The following C1QTNF3 variants were observed in gnomAD, a reference collection of about 807,000 sequenced individuals.
The protein encoded by C1QTNF3 is complement C1q tumor necrosis factor-related protein 3.
In C1QTNF3, 26 loss-of-function variants were observed where a neutral mutation model predicts 32.6. That is an observed-to-expected ratio of 0.80 (90% CI 0.58 to 1.11). C1QTNF3 has a LOEUF of 1.11. Among genes scored for constraint, C1QTNF3 ranks in the 50% least tolerant of loss-of-function variants. C1QTNF3 has a pLI of 0.00. For synonymous variants in C1QTNF3, 155 were observed against 146.0 expected (o/e 1.06, Z -0.44); for missense variants, 362 against 398.2 (o/e 0.91, Z 0.77).
In C1QTNF3 at chr5:34,020,653, T is replaced by C; in HGVS notation, c.890A>G (p.Asn297Ser). Reference protein sequence around the residue: ...KGDEVWLRMGNGALHGDHQRF... With the variant: ...KGDEVWLRMGSGALHGDHQRF... The stretch of plus-strand genomic sequence containing the variant: ...TTGGTGGTCCCCATGGAGAGCGCCA[T>C]TGCCCATTCGCAGCCAAACCTCATC... Residue 297 changes from asparagine to serine, a missense_variant, in exon 6 of 6, where the codon AAT becomes AGT. Asn to Ser is a conservative substitution (Grantham distance 46). Coordinates refer to ENST00000382065, the MANE Select transcript of C1QTNF3 (RefSeq NM_181435.6). The C allele has an allele frequency of 6.2e-7, 1 of 1,614,212 alleles. No individual in the cohort carries two copies. The highest frequency in any genetic ancestry group is 1.1e-5 in the South Asian group (1 of 91,092).
At chr5:34,067,650 C>T in the C1QTNF3 span, among the ~76,000 whole-genome samples, 30 of 152,306 alleles carry the variant, frequency 2.0e-4, 2 homozygotes, top group South Asian at 6.2e-3. Flanking sequence ...GTCCCTCCCA[C>T]AACATGTGAG....
the C1QTNF3 span, among the ~76,000 whole-genome samples, chr5:34,063,519 G>A: frequency 5.9e-5 from 9 of 152,000 alleles, no homozygotes; most frequent in Non-Finnish European, 1.0e-4. Flanking sequence ...TTGTACTGGT[G>A]GGGGGGCTGG....
At chr5:34,026,845 G>A (rs1754472827) in intron 4 of C1QTNF3, among the ~76,000 whole-genome samples, 1 of 152,188 alleles carries the variant, frequency 6.6e-6, no homozygotes, top group Non-Finnish European at 1.5e-5. Flanking sequence ...TTGTCATGTA[G>A]TAGATGAAAA....
chr5:34,018,216 T>C lies in C1QTNF3; in HGVS notation c.*2367A>G, dbSNP rs553057630. 2.0e-5 allele frequency among the ~76,000 whole-genome samples: 3 copies of C among 152,054 alleles called. No individual in the cohort carries two copies. In the East Asian group the frequency reaches 5.8e-4, roughly 29 times the overall value. ...TTTATACTAAATATTTTGGGGAATT[T>C]TATAAATTTTCTATAGTGAGTTTTT... On this transcript the variant is annotated 3_prime_UTR_variant, in exon 6 of 6. Coordinates refer to ENST00000382065, the MANE Select transcript of C1QTNF3 (RefSeq NM_181435.6).
chr5:34,049,308 A>G, the C1QTNF3 span, among the ~76,000 whole-genome samples: 1 of 152,094 alleles, frequency 6.6e-6, no homozygotes, highest in Admixed American at 6.6e-5. Flanking sequence ...CCCTTCTTCC[A>G]GCTTCTAAAT....
At chr5:34,241,963 A>G in the C1QTNF3 span, among the ~76,000 whole-genome samples, 4 of 135,688 alleles carry the variant, frequency 2.9e-5, no homozygotes, top group South Asian at 2.5e-4. Context: ...GAAGGAAGGA[A>G]GGAAGGAAGG....
chr5:34,051,843 A>G, the C1QTNF3 span, among the ~76,000 whole-genome samples: 1 of 152,246 alleles, frequency 6.6e-6, no homozygotes, highest in African/African-American at 2.4e-5. Flanking sequence ...GAAAACATTC[A>G]GTGAGATCAT....
the C1QTNF3 span, among the ~76,000 whole-genome samples, chr5:34,222,525 T>C: frequency 1.3e-5 from 2 of 151,944 alleles, no homozygotes; most frequent in African/African-American, 4.8e-5. Context: ...GATCATTTTA[T>C]GTCTATGGTT....
chr5:34,155,603 A>G, the C1QTNF3 span, among the ~76,000 whole-genome samples: 1 of 152,204 alleles, frequency 6.6e-6, no homozygotes, highest in Non-Finnish European at 1.5e-5. Context: ...AGTTTAAAAA[A>G]GTCAGCAGAG....
chr5:34,047,563 T>G (rs1320484412), upstream of C1QTNF3, among the ~76,000 whole-genome samples: 2 of 152,212 alleles, frequency 1.3e-5, no homozygotes, highest in Non-Finnish European at 2.9e-5. Flanking sequence ...ACTGTTTGCA[T>G]GATTTTCGAG....
rs1312897568 is a variant in C1QTNF3 at position 34,019,198 on chromosome 5, CTACT to C, written c.*1381_*1384del. ...CATGTAAATTTCCTATGACACCTAC[CTACT>C]GTTTCCTTTTTAGCATCTCAGTTTT... On this transcript the variant is annotated 3_prime_UTR_variant, in exon 6 of 6. Coordinates refer to ENST00000382065, the MANE Select transcript of C1QTNF3 (RefSeq NM_181435.6). Among the ~76,000 whole-genome samples the C allele has an allele frequency of 3.3e-5, 5 of 152,096 alleles. No homozygotes were observed. Among genetic ancestry groups the C allele is most frequent in the Non-Finnish European group, 5.9e-5 (4 of 68,020 alleles).
At chr5:34,055,857 T>A in the C1QTNF3 span, among the ~76,000 whole-genome samples, 1 of 152,242 alleles carries the variant, frequency 6.6e-6, no homozygotes, top group East Asian at 1.9e-4. Flanking sequence ...TACATCTGTC[T>A]TCAGCTCTGA....
At chr5:34,083,563 A>T in the C1QTNF3 span, among the ~76,000 whole-genome samples, 1 of 151,600 alleles carries the variant, frequency 6.6e-6, no homozygotes, top group Non-Finnish European at 1.5e-5. Context: ...CAGGAAACAG[A>T]CCATATTTAT....
chr5:34,210,112 T>C, the C1QTNF3 span, among the ~76,000 whole-genome samples: 1 of 152,014 alleles, frequency 6.6e-6, no homozygotes, highest in Non-Finnish European at 1.5e-5. Flanking sequence ...TAAAATAAAT[T>C]AAATTTATAA....
chr5:34,079,600 C>A, the C1QTNF3 span, among the ~76,000 whole-genome samples: 12 of 151,584 alleles, frequency 7.9e-5, 1 homozygote, highest in African/African-American at 2.9e-4. Context: ...TATTCTTCAG[C>A]GTTAAAAAAT....
upstream of C1QTNF3, among the ~76,000 whole-genome samples, chr5:34,047,617 GA>G (rs1755009396): frequency 6.6e-6 from 1 of 152,144 alleles, no homozygotes; most frequent in African/African-American, 2.4e-5. Context: ...TCTTCCCAGT[GA>G]AAAATACTCC....
the C1QTNF3 span, among the ~76,000 whole-genome samples, chr5:34,183,293 G>A: frequency 6.6e-6 from 1 of 152,056 alleles, no homozygotes; most frequent in African/African-American, 2.4e-5. Flanking sequence ...CAATGCGCCC[G>A]GCCCGCTTTT....
At chr5:34,050,722 T>A in the C1QTNF3 span, among the ~76,000 whole-genome samples, 1 of 152,134 alleles carries the variant, frequency 6.6e-6, no homozygotes, top group Non-Finnish European at 1.5e-5. Context: ...CTTTGGGGAG[T>A]AATGGCACAG....
At chr5:34,131,255 CTTTATTT>C in the C1QTNF3 span, among the ~76,000 whole-genome samples, 15 of 151,698 alleles carry the variant, frequency 9.9e-5, no homozygotes, top group African/African-American at 3.1e-4. Context: ...GAAATCAACA[CTTTATTT>C]TTCAAAACTC....
Sources: allele counts gnomAD v4.1 joint callset (sites outside exome capture counted in the v4.1 genomes callset), GRCh38; gene constraint gnomAD v4.1.1; transcripts MANE v1.5; gene names NCBI Gene and HGNC (gene_info 2026-07-23, HGNC 2026-07-21).